Variants in SETD1A observed in about 807,000 individuals in gnomAD.
The protein encoded by SETD1A is SET domain containing 1A, histone lysine methyltransferase, also known as histone-lysine N-methyltransferase SETD1A.
A neutral mutation model predicts 149.9 loss-of-function variants in SETD1A; 29 were observed. The ratio of observed to expected loss-of-function variants is 0.19; its 90% CI spans 0.14 to 0.26. The LOEUF (loss-of-function observed/expected upper bound fraction) is 0.26, where lower values mean the gene tolerates loss of function less well. SETD1A is among the 10% of genes least tolerant of loss of function. SETD1A has a pLI of 1.00. For synonymous variants in SETD1A, 1,141 were observed against 968.5 expected, an observed-to-expected ratio of 1.18 and a Z score of -3.31; for missense variants, 2,109 against 2,353.1, an observed-to-expected ratio of 0.90 and a Z score of 2.15.
chr16:30,969,227 A>G (rs2056193053), intron 10 of SETD1A, 78 bp from the exon 11 acceptor site: 2 of 1,390,384 alleles, frequency 1.4e-6, no homozygotes, highest in Non-Finnish European at 2.0e-6. Context: ...TGGTAATAGT[A>G]TATGTAAAGC....
intron 10 of SETD1A, 80 bp downstream of exon 10, chr16:30,967,668 C>T: frequency 7.9e-7 from 1 of 1,261,398 alleles, no homozygotes; most frequent in Non-Finnish European, 1.2e-6. Flanking sequence ...ATGAAGGGGT[C>T]AGGTCGTCCT....
chr16:30,968,005 G>T (rs1014843401), intron 10 of SETD1A, among the ~76,000 whole-genome samples: 1 of 152,118 alleles, frequency 6.6e-6, no homozygotes, highest in African/African-American at 2.4e-5. Context: ...TGCTTCCCTG[G>T]AGACCCACTG....
In SETD1A at chr16:30,979,990, C is replaced by CCCCCCAA; in HGVS notation, c.4204_4205insCCCCCAA (p.Arg1402ProfsTer21). 1.4e-6 allele frequency: 2 copies of CCCCCCAA among 1,480,726 alleles called. No individual in the cohort carries two copies. Among genetic ancestry groups the CCCCCCAA allele is most frequent in the Non-Finnish European group, 1.8e-6 (2 of 1,121,616 alleles). The allele number at this position is 1,480,726 out of a possible 1,614,324, so 91.7% of individuals were successfully genotyped here. A position where few individuals can be genotyped will look rare whatever the true frequency, so the allele number is the denominator to read the frequency against. On this transcript the variant is annotated frameshift_variant, in exon 14 of 19. Transcript: ENST00000262519. LOFTEE classifies it high-confidence loss of function. ...CCTCCGCTCCCACGCCCGGCGCCGCCGCCCTCCGCCCCCACCCCCGCCGCC... is the reference window on the plus strand; with the variant it reads ...CCTCCGCTCCCACGCCCGGCGCCGCCCCCCCAAGCCCTCCGCCCCCACCCCCGCCGCC...
At position 30,967,968 on chromosome 16, in the gene SETD1A, C is replaced by T. The variant is rs185276869; in HGVS notation, c.2770+380C>T. ...GCCCTTGCTTGATAGCTACCATGGC[C>T]TGGAAACTTGCCCATTGAGTCAGAT... On this transcript the variant is annotated intron_variant, in intron 10 of 18. Coordinates refer to ENST00000262519, the MANE Select transcript of SETD1A (RefSeq NM_014712.3). Among the ~76,000 whole-genome samples the T allele has an allele frequency of 4.6e-5, 7 of 152,272 alleles. No individual in the cohort carries two copies. In the East Asian group the frequency reaches 1.3e-3, roughly 29 times the overall value.
Position 30,964,064 on chromosome 16 carries a change from C to T in SETD1A, c.640-30C>T, listed in dbSNP as rs564538189. ...TCTCAAGTGGTGTTTGAGCCCATTC[C>T]TCTCTCCTTGCCCTGCTCTGTCGCT... On this transcript the variant is annotated intron_variant, in intron 5 of 18. Coordinates refer to ENST00000262519, the MANE Select transcript of SETD1A (RefSeq NM_014712.3). 17 of 1,577,370 alleles carry T rather than the reference C, an allele frequency of 1.1e-5. No homozygotes were observed. In the East Asian group the frequency reaches 1.1e-4, roughly 10 times the overall value.
In SETD1A at chr16:30,966,292, GCAT is replaced by G; in HGVS notation, c.2415_2417del (p.Ile805del). 1 of 1,613,954 alleles carries G rather than the reference GCAT, an allele frequency of 6.2e-7. No individual in the cohort carries two copies. The highest frequency in any genetic ancestry group is 8.5e-7 in the Non-Finnish European group (1 of 1,180,024). ...GCCATGCTGGTCCAGGAGATGAAGA[GCAT>G]CATGCAGCGAGACCTCAACCGCAAG... On this transcript the variant is annotated inframe_deletion, in exon 8 of 19. Coordinates refer to ENST00000262519, the MANE Select transcript of SETD1A (RefSeq NM_014712.3).
At chr16:30,967,454 T>C (rs773946794) in intron 9 of SETD1A, 47 bp from the exon 10 acceptor site, 2 of 1,562,456 alleles carry the variant, frequency 1.3e-6, no homozygotes, top group Non-Finnish European at 1.8e-6. Flanking sequence ...GTGCTCTGCC[T>C]GAGTGTTTGA....
Position 30,980,842 on chromosome 16 carries a change from A to G in SETD1A, c.4685A>G (p.Gln1562Arg), listed in dbSNP as rs1406118676. ...IMDSDLLKLN[Q>R]LKFRKKKLRF... ...GACAGTGACCTGCTGAAACTCAACC[A>G]GCTCAAGGTGAGGCTGGGCTGCAGG... is the stretch of plus-strand genomic sequence containing the variant. Residue 1562 changes from glutamine to arginine, a missense_variant, in exon 16 of 19, where the codon CAG (glutamine) becomes CGG (arginine). Around this residue, in one of 8 missense-constraint regions of SETD1A, gnomAD observed 254 missense variants for 409.3 expected, o/e 0.62. Coordinates refer to ENST00000262519, the MANE Select transcript of SETD1A (RefSeq NM_014712.3). This position sits in a 1 kb window ranked among gnomAD's most constrained non-coding sequence, Gnocchi z 7.7. 1.9e-6 allele frequency: 2 copies of G among 1,079,392 alleles called. No individual in the cohort carries two copies. Among genetic ancestry groups the G allele is most frequent in the African/African-American group, 1.8e-5 (1 of 55,174 alleles). The allele number at this position is 1,079,392 out of a possible 1,614,324, so 66.9% of individuals were successfully genotyped here.
chr16:30,982,072 T>C (rs1359544024), intron 17 of SETD1A, among the ~76,000 whole-genome samples: 1 of 152,196 alleles, frequency 6.6e-6, no homozygotes, highest in Non-Finnish European at 1.5e-5. Context: ...ACCATGGTGC[T>C]TGAGTAAAGC....
Position 30,969,703 on chromosome 16 carries a change from A to G in SETD1A, c.3016+14A>G. The G allele has an allele frequency of 6.2e-7, 1 of 1,608,122 alleles. No homozygotes were observed. The highest frequency in any genetic ancestry group is 2.2e-5 in the East Asian group (1 of 44,838). ...AGGTGTCGGATGGTGAGCACAAGACAGTGAAATCGACTTTGGGCTCGGAGG... is the reference window on the plus strand; with the variant it reads ...AGGTGTCGGATGGTGAGCACAAGACGGTGAAATCGACTTTGGGCTCGGAGG... On this transcript the variant is annotated intron_variant, in intron 12 of 18. Coordinates refer to ENST00000262519, the MANE Select transcript of SETD1A (RefSeq NM_014712.3).
chr16:30,966,796 T>C, intron 8 of SETD1A, 88 bp from the exon 9 acceptor site: 2 of 1,398,048 alleles, frequency 1.4e-6, no homozygotes, highest in Non-Finnish European at 1.9e-6. Context: ...AGATGCGTTC[T>C]GTATTCCTGG....
intron 1 of SETD1A, chr16:30,958,451 G>A (rs1034153189): frequency 9.7e-6 from 4 of 412,478 alleles, no homozygotes; most frequent in African/African-American, 2.0e-5. Flanking sequence ...AGGCCAAGTG[G>A]GGCGCGCGCT....
intron 4 of SETD1A, among the ~76,000 whole-genome samples, chr16:30,962,187 C>G (rs1040559314): frequency 6.6e-6 from 1 of 151,818 alleles, no homozygotes; most frequent in Non-Finnish European, 1.5e-5. Flanking sequence ...GCCTCAGCCT[C>G]TTGAGTAGCT....
rs200721841 is a variant in SETD1A, at chr16:30,969,616, C to T, written c.2943C>T (p.Asp981=). ...TTTTTCTTAAGGATGAGGAGGATGA[C>T]GAGGAAGATGAGGAAGATGAAGATC... is the stretch of plus-strand genomic sequence containing the variant. ...ESSSEKDEED[D]EEDEEDEDRE... Residue 981 remains aspartate, a synonymous_variant, in exon 12 of 19, where the codon GAC becomes GAT. Transcript: ENST00000262519. 5.1e-4 allele frequency: 825 copies of T among 1,613,876 alleles called. 1 individual carries two copies. Among genetic ancestry groups the T allele is most frequent in the Non-Finnish European group, 4.4e-4 (515 of 1,179,824 alleles).
At chr16:30,973,952 C>T (rs972044795) in intron 13 of SETD1A, among the ~76,000 whole-genome samples, 7 of 152,090 alleles carry the variant, frequency 4.6e-5, no homozygotes, top group African/African-American at 1.7e-4. Flanking sequence ...GGAGAGGGGC[C>T]TGACCATATC....
rs781649996 is a variant in SETD1A at position 30,965,427 on chromosome 16, C to T, written c.1685C>T (p.Thr562Ile). ...APTGSGEPGA[T>I]RESPKANGQN... ...ACAGGGAGCGGGGAGCCAGGGGCTA[C>T]CCGGGAGTCTCCCAAGGCAAATGGA... Residue 562 changes from threonine to isoleucine, a missense_variant, in exon 7 of 19, where the codon ACC (threonine) becomes ATC (isoleucine). Around this residue, in one of 8 missense-constraint regions of SETD1A, gnomAD observed 431 missense variants for 388.6 expected, o/e 1.11. Transcript: ENST00000262519. The T allele has an allele frequency of 1.4e-5, 22 of 1,602,572 alleles. No individual in the cohort carries two copies. Among genetic ancestry groups the T allele is most frequent in the Non-Finnish European group, 1.8e-5 (21 of 1,171,520 alleles).
intron 6 of SETD1A, 60 bp from the exon 7 acceptor site, chr16:30,964,552 G>A: frequency 6.4e-7 from 1 of 1,572,180 alleles, no homozygotes; most frequent in African/African-American, 1.3e-5. Context: ...CTGGGACCCA[G>A]TACGCTGTGG....
chr16:30,961,169 C>T lies in SETD1A; in HGVS notation c.247-98C>T, dbSNP rs1306127890. 10 of 1,274,382 alleles carry T rather than the reference C, an allele frequency of 7.8e-6. No homozygotes were observed. The highest frequency in any genetic ancestry group is 1.9e-4 in the Middle Eastern group (1 of 5,256). The allele number at this position is 1,274,382 out of a possible 1,614,324, so 78.9% of individuals were successfully genotyped here. A position where few individuals can be genotyped will look rare whatever the true frequency, so the allele number is the denominator to read the frequency against. ...TCCCTTGCCCCTCACTTTCCCGGATCTCTCTCTTGACTTCATGGAGCTTGC... is the reference window on the plus strand; with the variant it reads ...TCCCTTGCCCCTCACTTTCCCGGATTTCTCTCTTGACTTCATGGAGCTTGC... On this transcript the variant is annotated intron_variant, in intron 3 of 18. Transcript: ENST00000262519. This position sits in a 1 kb window ranked among gnomAD's most constrained non-coding sequence, Gnocchi z 4.0.
At chr16:30,971,768 G>C in intron 13 of SETD1A, 49 bp downstream of exon 13, 1 of 1,507,664 alleles carries the variant, frequency 6.6e-7, no homozygotes, top group Non-Finnish European at 8.9e-7. Flanking sequence ...GTGAGAGAGA[G>C]AGAGAAAACA....
Sources: allele counts gnomAD v4.1 joint callset (sites outside exome capture counted in the v4.1 genomes callset), GRCh38; gene constraint gnomAD v4.1.1; regional missense constraint gnomAD v4.1.1; non-coding constraint Gnocchi (gnomAD v3.1); transcripts MANE v1.5; gene names NCBI Gene and HGNC (gene_info 2026-07-23, HGNC 2026-07-21).